Variants in MAP4 observed in about 807,000 individuals in gnomAD.
MAP4 encodes microtubule-associated protein 4.
MAP4 carries 76 observed loss-of-function variants against 170.2 expected under a neutral mutation model. The ratio of observed to expected loss-of-function variants is 0.45; its 90% CI spans 0.37 to 0.54. The LOEUF (loss-of-function observed/expected upper bound fraction) is 0.54, where lower values mean the gene tolerates loss of function less well. Among genes scored for constraint, MAP4 ranks in the 20% least tolerant of loss-of-function variants. The pLI is 0.00. For missense variants in MAP4, 2,506 were observed against 2,748.0 expected (o/e 0.91, Z 1.97); for synonymous variants, 909 against 994.5 (o/e 0.91, Z 1.62).
chr3:47,982,519 T>C (rs1010606322), intron 2 of MAP4, among the ~76,000 whole-genome samples: 1 of 152,170 alleles, frequency 6.6e-6, no homozygotes, highest in Non-Finnish European at 1.5e-5. Flanking sequence ...GGTAACTTAT[T>C]TTTATGTGGC....
chr3:48,001,887 T>C (rs1189681957), intron 1 of MAP4, among the ~76,000 whole-genome samples: 1 of 151,800 alleles, frequency 6.6e-6, no homozygotes. Context: ...TTATTTTTTA[T>C]TTTTTTCAGA....
Position 47,912,331 on chromosome 3 carries a change from C to T in MAP4, c.2090G>A (p.Arg697Lys). 6.5e-7 allele frequency: 1 copy of T among 1,536,130 alleles called. No individual in the cohort carries two copies. Among genetic ancestry groups the T allele is most frequent in the Non-Finnish European group, 8.7e-7 (1 of 1,146,888 alleles). Residue 697 changes from arginine to lysine, a missense_variant, in exon 9 of 21, where the codon AGG becomes AAG. This residue lies in a region of MAP4 where 2,008 missense variants were observed against 2,206.0 expected (regional missense o/e 0.91). Coordinates refer to ENST00000683076, the MANE Select transcript of MAP4 (RefSeq NM_001385682.1). ...GCCTCCCAGCAGCTCAGGAGGGACCCTGGCAGGCTTGGGCCGGGTTGACCT... is the reference window on the plus strand; with the variant it reads ...GCCTCCCAGCAGCTCAGGAGGGACCTTGGCAGGCTTGGGCCGGGTTGACCT... ...DRRSTRPKPARVPPELLGGSP... is the reference protein window; with the variant it reads ...DRRSTRPKPAKVPPELLGGSP...
chr3:47,889,744 A>G (rs2098248236), intron 10 of MAP4, among the ~76,000 whole-genome samples: 1 of 152,178 alleles, frequency 6.6e-6, no homozygotes, highest in Non-Finnish European at 1.5e-5. Context: ...ATCAAGAAAA[A>G]GATGACAAAG....
chr3:48,029,996 A>T (rs150181145), intron 1 of MAP4, among the ~76,000 whole-genome samples: 4,175 of 147,592 alleles, frequency 0.028, 167 homozygotes, highest in African/African-American at 0.091. Context: ...CTCAAAAAAA[A>T]AAATATATAT....
At chr3:47,954,696 T>C (rs777946716) in intron 3 of MAP4, among the ~76,000 whole-genome samples, 2 of 152,198 alleles carry the variant, frequency 1.3e-5, no homozygotes, top group African/African-American at 2.4e-5. Context: ...GGATTACTAA[T>C]TCCTGGGGAC....
intron 19 of MAP4, among the ~76,000 whole-genome samples, chr3:47,854,286 G>A (rs1300629674): frequency 2.0e-5 from 3 of 152,182 alleles, no homozygotes; most frequent in South Asian, 2.1e-4. Flanking sequence ...GCGTGAGAAC[G>A]GCATCCTCAC....
chr3:47,924,782 G>A (rs1210678076), intron 4 of MAP4, among the ~76,000 whole-genome samples: 1 of 151,884 alleles, frequency 6.6e-6, no homozygotes, highest in Non-Finnish European at 1.5e-5. Context: ...CTCATGATTA[G>A]TAAACACAGA....
intron 12 of MAP4, among the ~76,000 whole-genome samples, chr3:47,873,343 A>G (rs1403524943): frequency 2.0e-5 from 3 of 152,208 alleles, no homozygotes; most frequent in African/African-American, 7.2e-5. Context: ...GGGATAGGGG[A>G]TGAAGACACT....
chr3:47,998,339 C>G (rs2100097122), intron 2 of MAP4, among the ~76,000 whole-genome samples: 1 of 152,088 alleles, frequency 6.6e-6, no homozygotes, highest in Non-Finnish European at 1.5e-5. Context: ...TTTAACTTTT[C>G]AAAGCTACTT....
rs745809251 is a variant in MAP4, at chr3:48,054,629, CAAAAAAAAAAAAAAAAAA to C, written c.-20+34126_-20+34143del. The stretch of plus-strand genomic sequence containing the variant: ...TGGGCGACAGTGTAAGACTCCATCT[CAAAAAAAAAAAAAAAAAA>C]AAAAAAAAAAATTAGCTGGCCATGG... On this transcript the variant is annotated intron_variant, in intron 1 of 18. Transcript: ENST00000360240. Among the ~76,000 whole-genome samples, 3 of 39,558 alleles carry C rather than the reference CAAAAAAAAAAAAAAAAAA, an allele frequency of 7.6e-5. No homozygotes were observed. The South Asian group carries it at 3.7e-3, about 48-fold the overall frequency. 26.0% of individuals were successfully genotyped at this position (39,558 alleles called of 152,430 possible). A position where few individuals can be genotyped will look rare whatever the true frequency, so the allele number is the denominator to read the frequency against.
intron 2 of MAP4, among the ~76,000 whole-genome samples, chr3:47,983,060 A>AC (rs2100086348): frequency 6.6e-6 from 1 of 151,684 alleles, no homozygotes; most frequent in Admixed American, 6.6e-5. Context: ...GTGCGCCACC[A>AC]CTCTCAGCTA....
intron 1 of MAP4, among the ~76,000 whole-genome samples, chr3:48,004,061 A>T (rs368636899): frequency 7.9e-5 from 12 of 152,174 alleles, no homozygotes; most frequent in African/African-American, 2.9e-4. Flanking sequence ...TACTTACTAA[A>T]TTCCTCTTTT....
At chr3:48,043,640 T>C (rs374206870) in intron 1 of MAP4, among the ~76,000 whole-genome samples, 71 of 152,304 alleles carry the variant, frequency 4.7e-4, no homozygotes, top group African/African-American at 1.7e-3. Flanking sequence ...CATACTTTGT[T>C]AGAGATGCAT....
At chr3:47,887,407 C>A (rs958390693) in intron 10 of MAP4, among the ~76,000 whole-genome samples, 1 of 152,196 alleles carries the variant, frequency 6.6e-6, no homozygotes, top group Non-Finnish European at 1.5e-5. Flanking sequence ...ATAAGTGCTG[C>A]GCTCGATTTC....
At chr3:48,050,039 C>T (rs2100126793) in intron 1 of MAP4, among the ~76,000 whole-genome samples, 1 of 150,824 alleles carries the variant, frequency 6.6e-6, no homozygotes, top group Non-Finnish European at 1.5e-5. Context: ...GCGGGTGGAT[C>T]ACCGGAGGTC....
Position 47,870,898 on chromosome 3 carries a change from G to A in MAP4, c.6209C>T (p.Thr2070Ile), listed in dbSNP as rs1045478689. Residue 2070 changes from threonine to isoleucine, a missense_variant, in exon 15 of 21, where the codon ACC becomes ATC. Thr to Ile is a moderately conservative substitution (Grantham distance 89). Around this residue, in one of 3 missense-constraint regions of MAP4, gnomAD observed 487 missense variants for 511.6 expected, o/e 0.95. Coordinates refer to ENST00000683076, the MANE Select transcript of MAP4 (RefSeq NM_001385682.1). ...CTTCAGATCAGGAGCAGAAGTATTG[G>A]TGGCCAGGCGGCTGAGCCGGGGGGT... Reference protein sequence around the residue: ...STTPRLSRLATNTSAPDLKNV... With the variant: ...STTPRLSRLAINTSAPDLKNV... 1.1e-5 allele frequency: 18 copies of A among 1,613,638 alleles called. No homozygotes were observed. In the African/African-American group the frequency reaches 2.3e-4, roughly 20 times the overall value.
intron 8 of MAP4, among the ~76,000 whole-genome samples, chr3:47,914,417 G>T (rs994885152): frequency 6.6e-6 from 1 of 152,170 alleles, no homozygotes; most frequent in East Asian, 1.9e-4. Context: ...GGGCATGGTG[G>T]CAGGCGCCTG....
At chr3:48,063,842 G>A (rs1231405449) in intron 1 of MAP4, among the ~76,000 whole-genome samples, 2 of 152,176 alleles carry the variant, frequency 1.3e-5, no homozygotes, top group East Asian at 3.8e-4. Flanking sequence ...GTAGTTAAGG[G>A]GAAGAAGTAG....
At chr3:47,973,864 T>G (rs1475766808) in intron 3 of MAP4, 2 of 985,368 alleles carry the variant, frequency 2.0e-6, no homozygotes, top group Non-Finnish European at 2.4e-6. Context: ...GATGGTGTAT[T>G]CTCTATGGCA....
Sources: gnomAD v4.1 joint callset for allele counts (sites outside exome capture counted in the v4.1 genomes callset) on GRCh38, gnomAD v4.1.1 for gene constraint, gnomAD v4.1.1 regional missense constraint, MANE v1.5 for transcripts, NCBI Gene and HGNC (gene_info 2026-07-23, HGNC 2026-07-21) for gene names.